The following SPATA6L variants were observed in gnomAD, a reference collection of about 807,000 sequenced individuals.
The protein encoded by SPATA6L is spermatogenesis associated 6 like, also known as spermatogenesis associated 6-like protein.
In SPATA6L, 68 loss-of-function variants were observed where a neutral mutation model predicts 49.2. The observed-to-expected ratio is 1.38, with a 90% CI of 1.14 to 1.69. The LOEUF (loss-of-function observed/expected upper bound fraction) is 1.69. Ranked by LOEUF, SPATA6L falls within the 40% of genes most tolerant of loss-of-function variation. The pLI, the probability that SPATA6L is intolerant of heterozygous loss-of-function variation, is 0.00. For missense variants in SPATA6L, 668 were observed against 464.3 expected (o/e 1.44, Z -4.03); for synonymous variants, 198 against 165.7 (o/e 1.19, Z -1.50).
chr9:4,654,663 T>C (rs1837692154), intron 3 of SPATA6L, among the ~76,000 whole-genome samples: 1 of 152,090 alleles, frequency 6.6e-6, no homozygotes, highest in Admixed American at 6.5e-5. Flanking sequence ...AGCAGGGAGA[T>C]GGTTTTCCCC....
At chr9:4,659,273 G>C (rs1210251628) in intron 2 of SPATA6L, among the ~76,000 whole-genome samples, 1 of 152,172 alleles carries the variant, frequency 6.6e-6, no homozygotes, top group Non-Finnish European at 1.5e-5. Flanking sequence ...GGTTGAAACA[G>C]ATAGGTCACT....
chr9:4,593,767 C>G (rs1019611521), downstream of SPATA6L, among the ~76,000 whole-genome samples: 17 of 152,250 alleles, frequency 1.1e-4, no homozygotes, highest in African/African-American at 4.1e-4. Context: ...CCTTGGCTTC[C>G]AAGACATTAC....
At chr9:4,655,782 C>G (rs1218086493) in intron 3 of SPATA6L, among the ~76,000 whole-genome samples, 1 of 152,106 alleles carries the variant, frequency 6.6e-6, no homozygotes, top group Non-Finnish European at 1.5e-5. Flanking sequence ...AACTCCTGAC[C>G]TCAAGGGATT....
rs866849629 is a variant in SPATA6L, at chr9:4,662,803, G to A, written c.40-767C>T. ...AAGCTGCTGGAGATCTCGGGACACGGCATCCCCTGGCTGCTGGGCACCCTC... is the reference window on the plus strand; with the variant it reads ...AAGCTGCTGGAGATCTCGGGACACGACATCCCCTGGCTGCTGGGCACCCTC... On this transcript the variant is annotated intron_variant, in intron 1 of 11. Coordinates refer to ENST00000682582, the MANE Select transcript of SPATA6L (RefSeq NM_001353486.2). This position sits in a 1 kb window ranked among gnomAD's most constrained non-coding sequence, Gnocchi z 4.9. 1.9e-6 allele frequency: 3 copies of A among 1,605,004 alleles called. No homozygotes were observed.
intron 3 of SPATA6L, among the ~76,000 whole-genome samples, chr9:4,641,264 T>C (rs1203404675): frequency 2.0e-5 from 3 of 152,180 alleles, no homozygotes; most frequent in Admixed American, 6.5e-5. Context: ...TAATATATAG[T>C]CATCCCTAAG....
At chr9:4,617,403 C>G (rs1345632250) in intron 9 of SPATA6L, 2 of 152,172 alleles carry the variant, frequency 1.3e-5, no homozygotes, top group Non-Finnish European at 2.9e-5. Context: ...GGTTACTTAC[C>G]CTACTAGAGA....
At chr9:4,655,555 GTT>G (rs57237870) in intron 3 of SPATA6L, among the ~76,000 whole-genome samples, 5 of 145,750 alleles carry the variant, frequency 3.4e-5, no homozygotes, top group African/African-American at 1.0e-4. Context: ...TTTTTTTGTT[GTT>G]TTTTTTTTTG....
intron 3 of SPATA6L, among the ~76,000 whole-genome samples, chr9:4,646,795 G>T (rs1835481638): frequency 6.6e-6 from 1 of 152,054 alleles, no homozygotes; most frequent in South Asian, 2.1e-4. Context: ...GGATCTGGAG[G>T]CCATTATCAA....
At chr9:4,656,210 G>A (rs963973369) in intron 2 of SPATA6L, 121 bp from the exon 3 acceptor site, 1 of 727,606 alleles carries the variant, frequency 1.4e-6, no homozygotes, top group African/African-American at 1.8e-5. Context: ...AGGCCGAGGT[G>A]GGTGTATTGC....
At chr9:4,634,613 T>A (rs1459239447) in intron 4 of SPATA6L, among the ~76,000 whole-genome samples, 1 of 152,218 alleles carries the variant, frequency 6.6e-6, no homozygotes, top group African/African-American at 2.4e-5. Flanking sequence ...TATCAAAATA[T>A]TTTTTATAAT....
chr9:4,589,985 G>A (rs866474830), intron 13 of SPATA6L, among the ~76,000 whole-genome samples: 7 of 152,120 alleles, frequency 4.6e-5, no homozygotes, highest in African/African-American at 7.2e-5. Flanking sequence ...GTGCAGTGGC[G>A]CGATCTTGGT....
chr9:4,609,279 C>T (rs1475769600), intron 9 of SPATA6L, among the ~76,000 whole-genome samples: 2 of 150,990 alleles, frequency 1.3e-5, no homozygotes, highest in Non-Finnish European at 3.0e-5. Flanking sequence ...AGAGGGAATC[C>T]TCCCTAACTC....
At position 4,656,049 on chromosome 9, in the gene SPATA6L, A is replaced by G; in HGVS notation, c.218T>C (p.Leu73Pro). The change falls in exon 3 of 12, where the codon CTT (leucine) becomes CCT (proline). Residue 73 changes from leucine to proline, a missense_variant. Transcript: ENST00000682582. Reference sequence around the variant, plus strand: ...TTTTTCAGAGTACCTACTTTCCAAAAGGTCTACTACAGCTCCAGGATCTAC... The same window carrying G: ...TTTTTCAGAGTACCTACTTTCCAAAGGGTCTACTACAGCTCCAGGATCTAC... ...SAVDPGAVVD[L>P]LEMWDELAYY... is the part of the protein sequence containing the mutation. 6.2e-7 allele frequency: 1 copy of G among 1,612,430 alleles called. No homozygotes were observed. The highest frequency in any genetic ancestry group is 8.5e-7 in the Non-Finnish European group (1 of 1,179,172).
chr9:4,666,310 C>A lies in SPATA6L; in HGVS notation c.-60G>T. On this transcript the variant is annotated 5_prime_UTR_variant, in exon 1 of 12. Coordinates refer to ENST00000682582, the MANE Select transcript of SPATA6L (RefSeq NM_001353486.2). The stretch of plus-strand genomic sequence containing the variant: ...AGATCCTTTTGTGCCGAGCCTTGGA[C>A]CAATTTTTCTTAGTTTAGCTGAATA... 6.3e-7 allele frequency: 1 copy of A among 1,593,588 alleles called. No homozygotes were observed. Among genetic ancestry groups the A allele is most frequent in the Non-Finnish European group, 8.6e-7 (1 of 1,162,014 alleles).
intron 13 of SPATA6L, among the ~76,000 whole-genome samples, chr9:4,593,016 A>G (rs1299021901): frequency 6.6e-6 from 1 of 152,246 alleles, no homozygotes; most frequent in Non-Finnish European, 1.5e-5. Flanking sequence ...GCATAGTCTC[A>G]TGCATTCTTC....
At chr9:4,604,747 A>T (rs1223322957) in intron 10 of SPATA6L, among the ~76,000 whole-genome samples, 1 of 152,216 alleles carries the variant, frequency 6.6e-6, no homozygotes, top group Non-Finnish European at 1.5e-5. Flanking sequence ...ACATGGCATC[A>T]TTAAATTCAG....
rs377696326 is a variant in SPATA6L, at chr9:4,617,891, G to A, written c.995+32C>T. Reference sequence around the variant, plus strand: ...ACCCCTGCCAGGCCACAATGCACTCGTCAGGCAAACAGATGGGTGCTTGCC... The same window carrying A: ...ACCCCTGCCAGGCCACAATGCACTCATCAGGCAAACAGATGGGTGCTTGCC... On this transcript the variant is annotated intron_variant, in intron 9 of 11. Coordinates refer to ENST00000682582, the MANE Select transcript of SPATA6L (RefSeq NM_001353486.2). The A allele has an allele frequency of 1.3e-4, 209 of 1,548,848 alleles. 1 individual carries two copies. The highest frequency in any genetic ancestry group is 8.9e-4 in the Middle Eastern group (5 of 5,616).
In SPATA6L at chr9:4,600,542, AC is replaced by A. The variant is rs1739798130; in HGVS notation, c.*268del. 2 of 138,652 alleles carry A rather than the reference AC, an allele frequency of 1.4e-5. No individual in the cohort carries two copies. 8.6% of individuals were successfully genotyped at this position (138,652 alleles called of 1,614,324 possible). A position where few individuals can be genotyped will look rare whatever the true frequency, so the allele number is the denominator to read the frequency against. ...TCAGATAAGCACCTGCCACCCAACT[AC>A]AGCGCTTTCTCTTTCATGTTCAAAA... On this transcript the variant is annotated 3_prime_UTR_variant, in exon 12 of 12. Coordinates refer to ENST00000682582, the MANE Select transcript of SPATA6L (RefSeq NM_001353486.2).
Position 4,662,883 on chromosome 9 carries a change from C to A in SPATA6L, c.40-847G>T, listed in dbSNP as rs767562460. ...CGGGCGCGAGGTGCTGATGAACCTG[C>A]TCTTCGCCCTGCTGTTGGACCTGCT... On this transcript the variant is annotated intron_variant, in intron 1 of 11. Coordinates refer to ENST00000682582, the MANE Select transcript of SPATA6L (RefSeq NM_001353486.2). The surrounding 1 kb of genome is among the most constrained non-coding windows in gnomAD (Gnocchi z 4.9). The A allele has an allele frequency of 6.2e-7, 1 of 1,606,838 alleles. No individual in the cohort carries two copies. Among genetic ancestry groups the A allele is most frequent in the Admixed American group, 1.7e-5 (1 of 60,014 alleles).
Sources: gnomAD v4.1 joint callset for allele counts (sites outside exome capture counted in the v4.1 genomes callset) on GRCh38, gnomAD v4.1.1 for gene constraint, Gnocchi (gnomAD v3.1) non-coding constraint, MANE v1.5 for transcripts, NCBI Gene and HGNC (gene_info 2026-07-23, HGNC 2026-07-21) for gene names.